The following ARL6 variants were observed in gnomAD, a reference collection of about 807,000 sequenced individuals.
ARL6 encodes ADP-ribosylation factor-like protein 6.
A neutral mutation model predicts 27.1 loss-of-function variants in ARL6; 18 were observed. That is an observed-to-expected ratio of 0.66 (90% confidence interval 0.46 to 0.98). ARL6 has a LOEUF of 0.98. Ranked by LOEUF, ARL6 falls within the 50% of genes least tolerant of loss-of-function variation. The pLI is 0.00. For missense variants in ARL6, 187 were observed against 214.9 expected (o/e 0.87, Z 0.81); for synonymous variants, 65 against 72.3 (o/e 0.90, Z 0.51).
At chr3:97,786,949 G>A (rs2037487983) in intron 5 of ARL6, among the ~76,000 whole-genome samples, 1 of 152,134 alleles carries the variant, frequency 6.6e-6, no homozygotes, top group African/African-American at 2.4e-5. Context: ...CTTATACGTG[G>A]TTGTTGAAGT....
intron 2 of ARL6, among the ~76,000 whole-genome samples, chr3:97,776,511 CCTTT>C (rs892218990): frequency 2.0e-5 from 3 of 151,834 alleles, no homozygotes; most frequent in African/African-American, 7.3e-5. Context: ...CTCCTCTTTT[CCTTT>C]CTTCCTTTCT....
rs2037544053 is a variant in ARL6, at chr3:97,788,066, A to C, written c.426A>C (p.Lys142Asn). 1.9e-6 allele frequency: 3 copies of C among 1,613,270 alleles called. No individual in the cohort carries two copies. Among genetic ancestry groups the C allele is most frequent in the Non-Finnish European group, 2.5e-6 (3 of 1,179,564 alleles). Residue 142 changes from lysine to asparagine, a missense_variant, in exon 6 of 8, where the codon AAA becomes AAC. Physicochemically the swap from Lys to Asn is moderately conservative, Grantham distance 94 (BLOSUM62 0). Coordinates refer to ENST00000463745, the MANE Select transcript of ARL6 (RefSeq NM_001278293.3). ...TTAGAGATGCAGTGACATCTGTAAA[A>C]GTGTCTCAGTTGCTGTGTTTAGAGA... is the stretch of plus-strand genomic sequence containing the variant. The part of the protein sequence containing the change: ...MDLRDAVTSV[K>N]VSQLLCLENI...
At chr3:97,764,693 A>AC (rs772451378), upstream of ARL6, 4 of 152,034 alleles carry the variant, frequency 2.6e-5, no homozygotes, top group Non-Finnish European at 4.4e-5. Flanking sequence ...AATCGCCAGG[A>AC]CCCCCGGGGA....
chr3:97,782,620 T>A (rs2037252436), intron 4 of ARL6, among the ~76,000 whole-genome samples: 1 of 151,884 alleles, frequency 6.6e-6, no homozygotes, highest in South Asian at 2.1e-4. Context: ...TTCAGGGTAA[T>A]TTATTGATAT....
chr3:97,765,531 AAG>A (rs1462290144), intron 1 of ARL6, among the ~76,000 whole-genome samples: 12 of 152,246 alleles, frequency 7.9e-5, no homozygotes, highest in African/African-American at 2.4e-4. Context: ...CTGGTGTGCA[AAG>A]AGAGGGTTAC....
chr3:97,784,928 A>G (rs1234006544), intron 4 of ARL6, 27 bp from the exon 5 acceptor site: 1 of 1,547,674 alleles, frequency 6.5e-7, no homozygotes, highest in East Asian at 2.3e-5. Flanking sequence ...TAAAGCTTTA[A>G]TTTTTCTTTT....
At chr3:97,791,473 C>T (rs746806147) in intron 6 of ARL6, 4 of 362,034 alleles carry the variant, frequency 1.1e-5, no homozygotes, top group Admixed American at 8.8e-5. Flanking sequence ...GTGGGCTGTA[C>T]AAAACTTTTC....
intron 2 of ARL6, among the ~76,000 whole-genome samples, chr3:97,777,429 T>G (rs1444717333): frequency 6.6e-6 from 1 of 152,130 alleles, no homozygotes; most frequent in Non-Finnish European, 1.5e-5. Context: ...CACATCCTCC[T>G]GTATACCTTA....
At position 97,799,676 on chromosome 3, in the gene ARL6, C is replaced by T. The variant is rs972950356; in HGVS notation, c.*1627C>T. ...CATTATATTATAAGCAGGTATTACA[C>T]ATACAGAATTTTCAACATTTAATCC... On this transcript the variant is annotated 3_prime_UTR_variant, in exon 8 of 8. Transcript: ENST00000463745. 2.0e-5 allele frequency: 3 copies of T among 152,102 alleles called. No individual in the cohort carries two copies. Among genetic ancestry groups the T allele is most frequent in the Non-Finnish European group, 4.4e-5 (3 of 67,966 alleles). The allele number at this position is 152,102 out of a possible 1,614,324, so 9.4% of individuals were successfully genotyped here. A position where few individuals can be genotyped will look rare whatever the true frequency, so the allele number is the denominator to read the frequency against.
intron 7 of ARL6, among the ~76,000 whole-genome samples, chr3:97,795,906 C>G (rs560465978): frequency 7.2e-5 from 11 of 152,304 alleles, no homozygotes; most frequent in Non-Finnish European, 1.5e-4. Context: ...TAACTCTCTT[C>G]TACTGCTCCT....
In ARL6 at chr3:97,784,944, A is replaced by T. The variant is rs1212485360; in HGVS notation, c.255-11A>T. The T allele has an allele frequency of 6.3e-7, 1 of 1,596,754 alleles. No individual in the cohort carries two copies. On this transcript the variant is annotated splice_polypyrimidine_tract_variant and intron_variant, in intron 4 of 7. Coordinates refer to ENST00000463745, the MANE Select transcript of ARL6 (RefSeq NM_001278293.3). ...AAAGCTTTAATTTTTCTTTTTCTTT[A>T]CATTACACAGAGAAGGCCAAGCTAT...
chr3:97,791,921 T>C (rs1576472998), intron 7 of ARL6, 95 bp downstream of exon 7: 2 of 1,102,962 alleles, frequency 1.8e-6, no homozygotes, highest in East Asian at 5.2e-5. Flanking sequence ...ATCATTGCCT[T>C]TTTTCCTCTT....
chr3:97,792,166 A>T (rs373496480), intron 7 of ARL6, among the ~76,000 whole-genome samples: 26 of 152,330 alleles, frequency 1.7e-4, no homozygotes, highest in Admixed American at 4.6e-4. Context: ...TAATGTCAAT[A>T]ACTAAAAATA....
At position 97,788,106 on chromosome 3, in the gene ARL6, C is replaced by A; in HGVS notation, c.466C>A (p.Pro156Thr). 1 of 1,612,858 alleles carries A rather than the reference C, an allele frequency of 6.2e-7. No individual in the cohort carries two copies. The highest frequency in any genetic ancestry group is 8.5e-7 in the Non-Finnish European group (1 of 1,179,448). Residue 156 changes from proline (P) to threonine (T), a missense_variant, in exon 6 of 8, where the codon CCC (proline) becomes ACC (threonine). Physicochemically the swap from Pro to Thr is conservative, Grantham distance 38 (BLOSUM62 -1). Coordinates refer to ENST00000463745, the MANE Select transcript of ARL6 (RefSeq NM_001278293.3). ...LLCLENIKDK[P>T]WHICASDAIK... ...GTGTTTAGAGAACATCAAAGATAAA[C>A]CCTGGCATATTTGGTAAAGTTTTAT...
rs1478555686 is a variant in ARL6 at position 97,764,849 on chromosome 3, CCTT to C, written c.-154_-152del. 1 of 152,292 alleles carries C rather than the reference CCTT, an allele frequency of 6.6e-6. No homozygotes were observed. The highest frequency in any genetic ancestry group is 1.5e-5 in the Non-Finnish European group (1 of 68,090). 9.4% of individuals were successfully genotyped at this position (152,292 alleles called of 1,614,324 possible). ...GACGGCTTTGCTCATTACCAGGCAT[CCTT>C]CCCATGTAGGCATCGAGAAGAAGGC... is the stretch of plus-strand genomic sequence containing the variant. On this transcript the variant is annotated 5_prime_UTR_variant, in exon 1 of 8. Transcript: ENST00000463745.
chr3:97,768,072 T>C lies in ARL6; in HGVS notation c.-27-9T>C. On this transcript the variant is annotated splice_polypyrimidine_tract_variant and intron_variant, in intron 1 of 7. Coordinates refer to ENST00000463745, the MANE Select transcript of ARL6 (RefSeq NM_001278293.3). ...CTTTGGGTAATATTTTATTTTTTCTTAATTGCAGCTGGTTTGTAAATATTT... is the reference window on the plus strand; with the variant it reads ...CTTTGGGTAATATTTTATTTTTTCTCAATTGCAGCTGGTTTGTAAATATTT... 1 of 1,611,014 alleles carries C rather than the reference T, an allele frequency of 6.2e-7. No homozygotes were observed. Among genetic ancestry groups the C allele is most frequent in the East Asian group, 2.2e-5 (1 of 44,732 alleles).
chr3:97,774,467 C>T (rs2108006913), intron 2 of ARL6, among the ~76,000 whole-genome samples: 1 of 151,760 alleles, frequency 6.6e-6, no homozygotes, highest in Non-Finnish European at 1.5e-5. Context: ...TTTATCTCCT[C>T]AGACAAAGGT....
Position 97,799,373 on chromosome 3 carries a change from A to G in ARL6, c.*1324A>G, listed in dbSNP as rs568411265. Reference sequence around the variant, plus strand: ...ATAGCAGTGATTTGGCATTTGGCAAATTGAAAGTTACCCAGAAAATTCCAA... The same window carrying G: ...ATAGCAGTGATTTGGCATTTGGCAAGTTGAAAGTTACCCAGAAAATTCCAA... On this transcript the variant is annotated 3_prime_UTR_variant, in exon 8 of 8. Coordinates refer to ENST00000463745, the MANE Select transcript of ARL6 (RefSeq NM_001278293.3). 22 of 152,170 alleles carry G rather than the reference A, an allele frequency of 1.4e-4. No homozygotes were observed. Among genetic ancestry groups the G allele is most frequent in the African/African-American group, 5.3e-4 (22 of 41,570 alleles). The allele number at this position is 152,170 out of a possible 1,614,324, so 9.4% of individuals were successfully genotyped here. A position where few individuals can be genotyped will look rare whatever the true frequency, so the allele number is the denominator to read the frequency against.
At chr3:97,792,344 G>C (rs1306435653) in intron 7 of ARL6, among the ~76,000 whole-genome samples, 5 of 152,112 alleles carry the variant, frequency 3.3e-5, no homozygotes, top group African/African-American at 1.2e-4. Context: ...TTAGCTGGAT[G>C]TGGTGGTGTA....
Sources: allele counts gnomAD v4.1 joint callset (sites outside exome capture counted in the v4.1 genomes callset), GRCh38; gene constraint gnomAD v4.1.1; transcripts MANE v1.5; gene names NCBI Gene and HGNC (gene_info 2026-07-23, HGNC 2026-07-21).